The following C12orf56 variants were observed in gnomAD, a reference collection of about 807,000 sequenced individuals.
C12orf56 encodes the protein chromosome 12 open reading frame 56, also known as uncharacterized protein C12orf56.
In C12orf56, 71 loss-of-function variants were observed where a neutral mutation model predicts 69.9. The ratio of observed to expected loss-of-function variants is 1.02; its 90% CI spans 0.84 to 1.24. The LOEUF (loss-of-function observed/expected upper bound fraction) is 1.24. Among genes scored for constraint, C12orf56 ranks in the 50% most tolerant of loss-of-function variants. The pLI is 0.00. For missense variants in C12orf56, 732 were observed against 738.5 expected (o/e 0.99, Z 0.10); for synonymous variants, 276 against 274.1 (o/e 1.01, Z -0.07).
chr12:64,348,577 G>T (rs1357556376), intron 2 of C12orf56, among the ~76,000 whole-genome samples: 1 of 152,116 alleles, frequency 6.6e-6, no homozygotes, highest in Non-Finnish European at 1.5e-5. Flanking sequence ...GCTAGCTTTT[G>T]GATGCTACAG....
Position 64,277,737 on chromosome 12 carries a change from C to T in C12orf56, c.1377G>A (p.Val459=). The T allele has an allele frequency of 1.2e-6, 2 of 1,602,214 alleles. No homozygotes were observed. The highest frequency in any genetic ancestry group is 1.7e-6 in the Non-Finnish European group (2 of 1,173,146). The change falls in exon 9 of 13, where the codon GTG becomes GTA. Residue 459 remains valine (V), a synonymous_variant. Transcript: ENST00000543942. The part of the protein sequence containing the change: ...SEPQIPKSCP[V]FDIQLVADSA... Reference sequence around the variant, plus strand: ...AATCAGCCACCAACTGGATATCAAACACAGGACAAGATTTTGGAATCTGAG... The same window carrying T: ...AATCAGCCACCAACTGGATATCAAATACAGGACAAGATTTTGGAATCTGAG...
chr12:64,316,235 A>T (rs1448961043), intron 4 of C12orf56, among the ~76,000 whole-genome samples: 1 of 151,794 alleles, frequency 6.6e-6, no homozygotes, highest in Non-Finnish European at 1.5e-5. Flanking sequence ...TCCCGAGTAC[A>T]TGCAGGCCAT....
intron 1 of C12orf56, among the ~76,000 whole-genome samples, chr12:64,359,406 C>T (rs2039366093): frequency 6.6e-6 from 1 of 151,988 alleles, no homozygotes; most frequent in South Asian, 2.1e-4. Context: ...CTTTTGTTAC[C>T]AGGGCCCCAA....
At chr12:64,273,119 C>A (rs1351074130) in intron 11 of C12orf56, among the ~76,000 whole-genome samples, 1 of 152,176 alleles carries the variant, frequency 6.6e-6, no homozygotes, top group Non-Finnish European at 1.5e-5. Flanking sequence ...CATGGCGAAA[C>A]CCCGTCTGTA....
chr12:64,390,179 T>C, intron 1 of C12orf56, 135 bp downstream of exon 1: 1 of 1,203,082 alleles, frequency 8.3e-7, no homozygotes, highest in Non-Finnish European at 1.1e-6. Flanking sequence ...CCTGTGTTCC[T>C]CGTTCTCAAA....
At chr12:64,371,585 C>T (rs1253121471) in intron 1 of C12orf56, among the ~76,000 whole-genome samples, 3 of 151,912 alleles carry the variant, frequency 2.0e-5, no homozygotes, top group Admixed American at 1.3e-4. Context: ...AATTCCAGCA[C>T]TTTGGGAGGC....
intron 3 of C12orf56, among the ~76,000 whole-genome samples, chr12:64,329,571 A>G (rs2038900427): frequency 6.6e-6 from 1 of 150,670 alleles, no homozygotes; most frequent in African/African-American, 2.4e-5. Flanking sequence ...ACATGTGCAC[A>G]TTGTGCAGGT....
chr12:64,387,077 C>CAACAAAAAAAAAAAAAAAAAAAAAAAAA (rs1201123599), intron 1 of C12orf56, among the ~76,000 whole-genome samples: 2 of 42,086 alleles, frequency 4.8e-5, no homozygotes, highest in African/African-American at 2.2e-4. Flanking sequence ...GACTCTATCT[C>CAACAAAAAAAAAAAAAAAAAAAAAAAAA]AAAAAAAAAA....
chr12:64,384,308 A>G (rs972025419), intron 1 of C12orf56, among the ~76,000 whole-genome samples: 1 of 152,130 alleles, frequency 6.6e-6, no homozygotes, highest in Non-Finnish European at 1.5e-5. Context: ...AGAAGACAGT[A>G]TTTTGTGGTA....
At chr12:64,328,892 C>T (rs924289832) in intron 3 of C12orf56, among the ~76,000 whole-genome samples, 2 of 150,528 alleles carry the variant, frequency 1.3e-5, no homozygotes, top group African/African-American at 4.9e-5. Context: ...GGCAAAACCC[C>T]ATCTCTACTA....
rs535785965 is a variant in C12orf56, at chr12:64,345,563, T to C, written c.415+7331A>G. Reference sequence around the variant, plus strand: ...AGTAGACACCTGGTGAAGCTGTGCATGTATCTTCCATTGCAGGTCAGCGAC... The same window carrying C: ...AGTAGACACCTGGTGAAGCTGTGCACGTATCTTCCATTGCAGGTCAGCGAC... On this transcript the variant is annotated intron_variant, in intron 2 of 12. Coordinates refer to ENST00000543942, the MANE Select transcript of C12orf56 (RefSeq NM_001170633.2). Among the ~76,000 whole-genome samples the C allele has an allele frequency of 2.6e-5, 4 of 152,292 alleles. No homozygotes were observed. The East Asian group carries it at 7.7e-4, about 29-fold the overall frequency.
At chr12:64,298,680 C>T (rs2038402733) in intron 6 of C12orf56, among the ~76,000 whole-genome samples, 1 of 152,146 alleles carries the variant, frequency 6.6e-6, no homozygotes, top group South Asian at 2.1e-4. Flanking sequence ...TGTCAAAGAT[C>T]AGATGGTTGT....
intron 8 of C12orf56, among the ~76,000 whole-genome samples, chr12:64,282,636 C>T (rs200255741): frequency 1.3e-5 from 2 of 151,558 alleles, no homozygotes; most frequent in East Asian, 3.9e-4. Flanking sequence ...ATTAGCAGGG[C>T]ATGATGGCAT....
chr12:64,297,118 A>G (rs1565743211), intron 6 of C12orf56, among the ~76,000 whole-genome samples: 1 of 152,208 alleles, frequency 6.6e-6, no homozygotes, highest in South Asian at 2.1e-4. Flanking sequence ...CACAGAACGT[A>G]TGTTTTCCAA....
At chr12:64,380,813 G>A (rs1438545239) in intron 1 of C12orf56, among the ~76,000 whole-genome samples, 2 of 152,190 alleles carry the variant, frequency 1.3e-5, no homozygotes, top group Non-Finnish European at 2.9e-5. Flanking sequence ...AGTGGTAGGA[G>A]ATGAGTCAAA....
intron 1 of C12orf56, among the ~76,000 whole-genome samples, chr12:64,365,465 G>T (rs970542150): frequency 2.0e-5 from 3 of 151,160 alleles, no homozygotes; most frequent in South Asian, 2.1e-4. Flanking sequence ...ACGCCCGGCC[G>T]CTATTCCCAT....
intron 1 of C12orf56, among the ~76,000 whole-genome samples, chr12:64,360,136 C>T (rs1367016204): frequency 6.6e-6 from 1 of 151,454 alleles, no homozygotes; most frequent in Admixed American, 6.6e-5. Flanking sequence ...TTACAAAATT[C>T]AAAAACTGGC....
At chr12:64,325,372 A>AAAAAAG (rs1555189854) in intron 3 of C12orf56, among the ~76,000 whole-genome samples, 2 of 141,392 alleles carry the variant, frequency 1.4e-5, no homozygotes, top group Non-Finnish European at 3.0e-5. Flanking sequence ...AAAAAAAAAA[A>AAAAAAG]AAGAAGAAGA....
chr12:64,310,209 G>A (rs1006791523), intron 5 of C12orf56, among the ~76,000 whole-genome samples: 23 of 151,244 alleles, frequency 1.5e-4, no homozygotes, highest in African/African-American at 4.4e-4. Flanking sequence ...GTCTCACTAT[G>A]TTGCCTAGGC....
Sources: gnomAD v4.1 joint callset for allele counts (sites outside exome capture counted in the v4.1 genomes callset) on GRCh38, gnomAD v4.1.1 for gene constraint, MANE v1.5 for transcripts, NCBI Gene and HGNC (gene_info 2026-07-23, HGNC 2026-07-21) for gene names.